PKNOX2: variants seen among roughly 807,000 people sequenced by gnomAD.
PKNOX2 encodes PBX/knotted 1 homeobox 2.
In PKNOX2, 14 loss-of-function variants were observed where a neutral mutation model predicts 53.1. The ratio of observed to expected loss-of-function variants is 0.26; its 90% CI spans 0.17 to 0.41. The LOEUF is 0.41. Ranked by LOEUF, PKNOX2 falls within the 10% of genes least tolerant of loss-of-function variation. The pLI, the probability that PKNOX2 is intolerant of heterozygous loss-of-function variation, is 1.00. For missense variants in PKNOX2, 496 were observed against 602.8 expected (o/e 0.82, Z 1.85); for synonymous variants, 257 against 242.8 (o/e 1.06, Z -0.54).
intron 2 of PKNOX2, among the ~76,000 whole-genome samples, chr11:125,313,097 C>T (rs1054160256): frequency 1.3e-5 from 2 of 151,860 alleles, no homozygotes; most frequent in African/African-American, 2.4e-5. Context: ...AGAGTGTTTA[C>T]GGGGCACTTA....
At chr11:125,380,953 C>G (rs1953180408) in intron 5 of PKNOX2, among the ~76,000 whole-genome samples, 2 of 152,150 alleles carry the variant, frequency 1.3e-5, no homozygotes, top group Non-Finnish European at 2.9e-5. Context: ...GGCTGGGCAC[C>G]TGGGGAAGGG....
intron 5 of PKNOX2, among the ~76,000 whole-genome samples, chr11:125,371,250 AATTG>A (rs1952523828): frequency 2.0e-5 from 3 of 152,110 alleles, no homozygotes; most frequent in African/African-American, 4.8e-5. Flanking sequence ...CATCGCGGGT[AATTG>A]TGTTTGTGGC....
chr11:125,355,277 G>GAAAAAAAAA (rs61437536), intron 4 of PKNOX2, among the ~76,000 whole-genome samples: 4 of 109,186 alleles, frequency 3.7e-5, no homozygotes, highest in Admixed American at 9.4e-5. Flanking sequence ...AAAAAAAAAA[G>GAAAAAAAAA]AAAAAAAAAA....
chr11:125,174,084 C>T (rs1386714802), intron 1 of PKNOX2, among the ~76,000 whole-genome samples: 1 of 152,176 alleles, frequency 6.6e-6, no homozygotes, highest in Non-Finnish European at 1.5e-5. Flanking sequence ...TGATGTGACC[C>T]CTCCTTCTGA....
chr11:125,209,222 G>T (rs1432272582), intron 1 of PKNOX2, among the ~76,000 whole-genome samples: 1 of 152,112 alleles, frequency 6.6e-6, no homozygotes, highest in African/African-American at 2.4e-5. Flanking sequence ...CCACTTTACA[G>T]GTGAAGAAGC....
chr11:125,280,279 G>A (rs965905245), intron 2 of PKNOX2, among the ~76,000 whole-genome samples: 8 of 152,072 alleles, frequency 5.3e-5, no homozygotes, highest in Non-Finnish European at 1.0e-4. Context: ...TCGTGACAGC[G>A]TGAACCTGCA....
At chr11:125,314,791 G>A (rs956163538) in intron 2 of PKNOX2, among the ~76,000 whole-genome samples, 2 of 152,134 alleles carry the variant, frequency 1.3e-5, no homozygotes, top group African/African-American at 4.8e-5. Context: ...CGATGAGGAT[G>A]CTCCTTGGAC....
At chr11:125,335,962 G>A (rs771944640) in intron 3 of PKNOX2, among the ~76,000 whole-genome samples, 1 of 152,114 alleles carries the variant, frequency 6.6e-6, no homozygotes, top group African/African-American at 2.4e-5. Flanking sequence ...ACATGTTACC[G>A]GTTTTGCTGT....
intron 1 of PKNOX2, among the ~76,000 whole-genome samples, chr11:125,176,477 C>A (rs1181227430): frequency 6.6e-6 from 1 of 152,180 alleles, no homozygotes; most frequent in Non-Finnish European, 1.5e-5. Context: ...ACAAGAGCCA[C>A]CCAGAAGTCC....
chr11:125,386,486 T>C (rs1192962560), intron 6 of PKNOX2, among the ~76,000 whole-genome samples: 1 of 152,324 alleles, frequency 6.6e-6, no homozygotes, highest in Non-Finnish European at 1.5e-5. Flanking sequence ...TCTCTGTTTG[T>C]CCATTACTCT....
At chr11:125,358,284 G>A (rs947956918) in intron 4 of PKNOX2, among the ~76,000 whole-genome samples, 7 of 152,186 alleles carry the variant, frequency 4.6e-5, no homozygotes, top group African/African-American at 1.7e-4. Context: ...GCACACACAG[G>A]GATTCTGGTG....
chr11:125,299,575 A>G (rs1947891074), intron 2 of PKNOX2, among the ~76,000 whole-genome samples: 2 of 152,110 alleles, frequency 1.3e-5, no homozygotes, highest in African/African-American at 4.8e-5. Context: ...TAGACAATCC[A>G]TTAGCATCTC....
At chr11:125,359,767 AG>A (rs1951821566) in intron 4 of PKNOX2, among the ~76,000 whole-genome samples, 1 of 152,198 alleles carries the variant, frequency 6.6e-6, no homozygotes, top group Non-Finnish European at 1.5e-5. Flanking sequence ...GGGCAGCCCC[AG>A]GGGGCCAGAA....
intron 2 of PKNOX2, among the ~76,000 whole-genome samples, chr11:125,283,412 G>A (rs1310455941): frequency 6.6e-6 from 1 of 152,176 alleles, no homozygotes; most frequent in Non-Finnish European, 1.5e-5. Flanking sequence ...GAGAATTTAG[G>A]AGCCAAGTTG....
chr11:125,382,019 TG>T (rs1953264933), intron 5 of PKNOX2, among the ~76,000 whole-genome samples: 1 of 152,144 alleles, frequency 6.6e-6, no homozygotes, highest in African/African-American at 2.4e-5. Flanking sequence ...TGCTAGTAGC[TG>T]GGGGACACAG....
intron 2 of PKNOX2, among the ~76,000 whole-genome samples, chr11:125,263,738 C>T (rs1361139426): frequency 6.6e-6 from 1 of 152,222 alleles, no homozygotes; most frequent in African/African-American, 2.4e-5. Flanking sequence ...CAGACTCTTC[C>T]GGCGCTGGCT....
In PKNOX2 at chr11:125,335,289, T is replaced by A. The variant is rs932813604; in HGVS notation, c.-23+3364T>A. Among the ~76,000 whole-genome samples, 27 of 152,234 alleles carry A rather than the reference T, an allele frequency of 1.8e-4. 1 individual carries two copies. Among genetic ancestry groups the A allele is most frequent in the Non-Finnish European group, 3.4e-4 (23 of 68,044 alleles). ...CAGGCTCCCAGGTCAGCCTTCAGCT[T>A]GTCTGCTGTTTCCTGACTCTGGCTG... On this transcript the variant is annotated intron_variant, in intron 3 of 12. Coordinates refer to ENST00000298282, the MANE Select transcript of PKNOX2 (RefSeq NM_001382323.2).
At chr11:125,288,266 G>A (rs1947049547) in intron 2 of PKNOX2, 1 of 152,254 alleles carries the variant, frequency 6.6e-6, no homozygotes, top group African/African-American at 2.4e-5. Flanking sequence ...CTGCACATGA[G>A]AATCAGTGGG....
intron 10 of PKNOX2, 50 bp from the exon 11 acceptor site, chr11:125,428,962 G>A (rs761349871): frequency 3.2e-6 from 5 of 1,549,664 alleles, no homozygotes; most frequent in African/African-American, 2.7e-5. Context: ...CCTTGGGGGG[G>A]CCAGATCAGC....
Sources: gnomAD v4.1 joint callset for allele counts (sites outside exome capture counted in the v4.1 genomes callset) on GRCh38, gnomAD v4.1.1 for gene constraint, MANE v1.5 for transcripts, NCBI Gene and HGNC (gene_info 2026-07-23, HGNC 2026-07-21) for gene names.